The following KBTBD12 variants were observed in gnomAD, a reference collection of about 807,000 sequenced individuals.
KBTBD12 encodes the protein kelch repeat and BTB domain-containing protein 12.
In KBTBD12, 53 loss-of-function variants were observed where a neutral mutation model predicts 58.7. That is an observed-to-expected ratio of 0.90 (90% CI 0.72 to 1.14). KBTBD12 has a LOEUF of 1.14. KBTBD12 is among the 50% of genes most tolerant of loss of function. The probability of loss-of-function intolerance (pLI) is 0.00; values close to 1 mark genes in which losing one functional copy is unlikely to be tolerated. For missense variants in KBTBD12, 704 were observed against 751.3 expected, an observed-to-expected ratio of 0.94 and a Z score of 0.74; for synonymous variants, 236 against 259.8, an observed-to-expected ratio of 0.91 and a Z score of 0.88.
chr3:127,920,919 G>A (rs1939390614), intron 1 of KBTBD12, among the ~76,000 whole-genome samples: 3 of 151,308 alleles, frequency 2.0e-5, no homozygotes, highest in South Asian at 2.1e-4. Context: ...TTATATCACC[G>A]AGAACATTTA....
chr3:127,951,518 T>C (rs1169137479), intron 4 of KBTBD12, among the ~76,000 whole-genome samples: 3 of 152,158 alleles, frequency 2.0e-5, no homozygotes, highest in African/African-American at 7.2e-5. Context: ...CTCTGACTGG[T>C]TGATTCCAGA....
chr3:127,924,932 T>C (rs1939528531), intron 2 of KBTBD12, among the ~76,000 whole-genome samples: 1 of 152,202 alleles, frequency 6.6e-6, no homozygotes, highest in Admixed American at 6.5e-5. Context: ...ATTAGAAATA[T>C]GCACATGGAA....
intron 4 of KBTBD12, among the ~76,000 whole-genome samples, chr3:127,934,391 T>C (rs1202006142): frequency 6.6e-6 from 1 of 152,116 alleles, no homozygotes; most frequent in East Asian, 1.9e-4. Context: ...ATAGAGATTA[T>C]ATAATCTGAA....
chr3:127,982,730 G>A (rs1022379815), intron 5 of KBTBD12, among the ~76,000 whole-genome samples: 3 of 152,282 alleles, frequency 2.0e-5, no homozygotes, highest in South Asian at 2.1e-4. Context: ...GCTCAAGACC[G>A]GTGCTGCTCC....
At chr3:127,932,760 T>C (rs75571484) in intron 4 of KBTBD12, among the ~76,000 whole-genome samples, 1 of 152,302 alleles carries the variant, frequency 6.6e-6, no homozygotes, top group African/African-American at 2.4e-5. Flanking sequence ...CTTTGAGATA[T>C]TAAGATAATA....
At chr3:127,942,363 G>A (rs1939971829) in intron 4 of KBTBD12, among the ~76,000 whole-genome samples, 2 of 152,014 alleles carry the variant, frequency 1.3e-5, no homozygotes, top group South Asian at 2.1e-4. Flanking sequence ...TCATCATGCT[G>A]TACTATGGAT....
intron 4 of KBTBD12, among the ~76,000 whole-genome samples, chr3:127,941,799 C>T (rs1036426286): frequency 2.0e-5 from 3 of 152,084 alleles, no homozygotes; most frequent in African/African-American, 7.2e-5. Context: ...GGGGTTTCAC[C>T]ATGTTGGCCA....
At chr3:127,930,084 A>G in intron 3 of KBTBD12, 49 bp from the exon 4 acceptor site, 1 of 1,511,758 alleles carries the variant, frequency 6.6e-7, no homozygotes, top group Non-Finnish European at 9.0e-7. Flanking sequence ...TGTACTCACA[A>G]AGATTGCTAA....
At chr3:127,980,303 T>C (rs1940850803) in intron 5 of KBTBD12, among the ~76,000 whole-genome samples, 1 of 152,192 alleles carries the variant, frequency 6.6e-6, no homozygotes. Context: ...GATAGTGTAA[T>C]CATTGGGTTA....
At chr3:127,972,073 C>A (rs894626388) in intron 5 of KBTBD12, among the ~76,000 whole-genome samples, 1 of 152,190 alleles carries the variant, frequency 6.6e-6, no homozygotes, top group African/African-American at 2.4e-5. Context: ...CTAACCAATG[C>A]AGATTAAAAT....
At chr3:127,931,850 A>G (rs1233062729) in intron 4 of KBTBD12, among the ~76,000 whole-genome samples, 1 of 152,104 alleles carries the variant, frequency 6.6e-6, no homozygotes, top group Non-Finnish European at 1.5e-5. Flanking sequence ...AGTGGTTTGG[A>G]GGTGAGAATG....
intron 5 of KBTBD12, among the ~76,000 whole-genome samples, chr3:127,982,694 A>G (rs1940893010): frequency 6.6e-6 from 1 of 152,194 alleles, no homozygotes; most frequent in African/African-American, 2.4e-5. Context: ...CCTCCCTGCT[A>G]AGGATGGCTG....
intron 2 of KBTBD12, among the ~76,000 whole-genome samples, chr3:127,924,646 T>C (rs1187044442): frequency 2.0e-5 from 3 of 152,130 alleles, no homozygotes; most frequent in African/African-American, 7.2e-5. Flanking sequence ...GTTCGTAATT[T>C]AGAGCAATAA....
chr3:127,983,958 G>C (rs1940921281), intron 5 of KBTBD12, 139 bp from the exon 6 acceptor site: 4 of 673,002 alleles, frequency 5.9e-6, no homozygotes, highest in Non-Finnish European at 1.0e-5. Flanking sequence ...AAACTACCCA[G>C]TCCTGGGTAT....
rs188664584 is a variant in KBTBD12 at position 127,919,848 on chromosome 3, T to C, written c.-112-3102T>C. Reference sequence around the variant, plus strand: ...CACATGGTTTACATGGTTTACAACATTGAGGTTTTTCAAAAGCTGTGACCC... The same window carrying C: ...CACATGGTTTACATGGTTTACAACACTGAGGTTTTTCAAAAGCTGTGACCC... On this transcript the variant is annotated intron_variant, in intron 1 of 5. Coordinates refer to ENST00000405109, the MANE Select transcript of KBTBD12 (RefSeq NM_207335.4). Among the ~76,000 whole-genome samples the C allele has an allele frequency of 2.8e-3, 430 of 152,314 alleles. 1 individual carries two copies. The highest frequency in any genetic ancestry group is 9.5e-3 in the African/African-American group (397 of 41,572).
chr3:127,923,271 G>A lies in KBTBD12; in HGVS notation c.210G>A (p.Arg70=). The A allele has an allele frequency of 1.2e-6, 2 of 1,613,648 alleles. No individual in the cohort carries two copies. Among genetic ancestry groups the A allele is most frequent in the Non-Finnish European group, 1.7e-6 (2 of 1,179,692 alleles). ...FTCGLLECNQ[R]EVILYDITAE... ...GTGGACTACTTGAATGTAATCAAAG[G>A]GAAGTCATACTTTATGACATCACAG... The change falls in exon 2 of 6, where the codon AGG becomes AGA. Residue 70 remains arginine, a synonymous_variant. Transcript: ENST00000405109.
chr3:127,924,998 T>C (rs952941659), intron 2 of KBTBD12, among the ~76,000 whole-genome samples: 1 of 152,244 alleles, frequency 6.6e-6, no homozygotes, highest in African/African-American at 2.4e-5. Context: ...AGTTCTCTTT[T>C]ACCATGGTTT....
At position 127,987,228 on chromosome 3, in the gene KBTBD12, C is replaced by T. The variant is rs924495500; in HGVS notation, c.*2950C>T. On this transcript the variant is annotated 3_prime_UTR_variant, in exon 6 of 6. Transcript: ENST00000405109. ...TTTCAGATGTCTGATCTTGATTTTT[C>T]TTTGATTCCATACAACAGATTGCTT... is the stretch of plus-strand genomic sequence containing the variant. 1 of 152,182 alleles carries T rather than the reference C, an allele frequency of 6.6e-6. No individual in the cohort carries two copies. Among genetic ancestry groups the T allele is most frequent in the African/African-American group, 2.4e-5 (1 of 41,452 alleles). 9.4% of individuals were successfully genotyped at this position (152,182 alleles called of 1,614,324 possible).
chr3:127,936,076 T>G (rs899178284), intron 4 of KBTBD12, among the ~76,000 whole-genome samples: 4 of 152,036 alleles, frequency 2.6e-5, no homozygotes, highest in African/African-American at 9.7e-5. Flanking sequence ...AAGCAAAACC[T>G]GAGATGAGGC....
Sources: gnomAD v4.1 joint callset for allele counts (sites outside exome capture counted in the v4.1 genomes callset) on GRCh38, gnomAD v4.1.1 for gene constraint, MANE v1.5 for transcripts, NCBI Gene and HGNC (gene_info 2026-07-23, HGNC 2026-07-21) for gene names.